Variants in TMTC2 observed in about 807,000 individuals in gnomAD.
TMTC2 encodes the protein transmembrane O-mannosyltransferase targeting cadherins 2, also known as protein O-mannosyl-transferase TMTC2.
TMTC2 carries 43 observed loss-of-function variants against 82.4 expected under a neutral mutation model. That is an observed-to-expected ratio of 0.52 (90% CI 0.41 to 0.67). The LOEUF (loss-of-function observed/expected upper bound fraction) is 0.67. TMTC2 is among the 30% of genes least tolerant of loss of function. The pLI, the probability that TMTC2 is intolerant of heterozygous loss-of-function variation, is 0.00. For synonymous variants in TMTC2, 408 were observed against 381.9 expected, an observed-to-expected ratio of 1.07 and a Z score of -0.80; for missense variants, 919 against 1,012.4, an observed-to-expected ratio of 0.91 and a Z score of 1.25.
chr12:82,700,807 C>G (rs1014550321), intron 1 of TMTC2, among the ~76,000 whole-genome samples: 2 of 152,092 alleles, frequency 1.3e-5, no homozygotes, highest in Non-Finnish European at 2.9e-5. Context: ...ACAGAAATAC[C>G]TGAAACTGAG....
rs558072048 is a variant in TMTC2, at chr12:83,095,152, C to G, written c.2331+33321C>G. Among the ~76,000 whole-genome samples the G allele has an allele frequency of 4.0e-5, 6 of 150,592 alleles. No homozygotes were observed. In the South Asian group the frequency reaches 1.3e-3, roughly 32 times the overall value. On this transcript the variant is annotated intron_variant, in intron 11 of 11. Coordinates refer to ENST00000321196, the MANE Select transcript of TMTC2 (RefSeq NM_152588.3). ...TGTGTCCATGTGTTTAAGCTGGAGT[C>G]TGCAGTATTGGGTGGCTTAAGTTTG...
At chr12:82,889,560 C>G (rs1796203) in intron 2 of TMTC2, among the ~76,000 whole-genome samples, 26,123 of 151,970 alleles carry the variant, frequency 0.17, 5,217 homozygotes, top group African/African-American at 0.49. Context: ...AATACTTCTA[C>G]ACTTAAATAA....
chr12:82,712,942 G>A (rs1457456144), intron 1 of TMTC2, among the ~76,000 whole-genome samples: 2 of 152,126 alleles, frequency 1.3e-5, no homozygotes, highest in Non-Finnish European at 2.9e-5. Context: ...AAAAGCTGAG[G>A]GAAGGAAGAG....
At chr12:82,763,271 AC>A (rs75561309) in intron 1 of TMTC2, among the ~76,000 whole-genome samples, 117,231 of 151,844 alleles carry the variant, frequency 0.77, 45,718 homozygotes, top group East Asian at 0.99. Context: ...ACAGAAAGTA[AC>A]ATGGTAGAAC....
intron 3 of TMTC2, among the ~76,000 whole-genome samples, chr12:82,906,537 C>T (rs901180181): frequency 1.3e-5 from 2 of 151,820 alleles, no homozygotes; most frequent in African/African-American, 2.4e-5. Flanking sequence ...TGGTGGCGGG[C>T]GCCTCAAACC....
chr12:82,877,249 A>G (rs1872627032), intron 2 of TMTC2, among the ~76,000 whole-genome samples: 1 of 152,210 alleles, frequency 6.6e-6, no homozygotes, highest in Non-Finnish European at 1.5e-5. Context: ...TAGATTAAAA[A>G]TAACTTTCTC....
chr12:83,017,317 C>A lies in TMTC2; in HGVS notation c.2071-13481C>A, dbSNP rs530484534. ...AATTAGGGTAACTGTAGACTTTTGT[C>A]CAAACCAGGAAGGGGGTGCTGTTAT... On this transcript the variant is annotated intron_variant, in intron 8 of 11. Coordinates refer to ENST00000321196, the MANE Select transcript of TMTC2 (RefSeq NM_152588.3). Among the ~76,000 whole-genome samples the A allele has an allele frequency of 3.3e-5, 5 of 152,148 alleles. No individual in the cohort carries two copies. The South Asian group carries it at 1.0e-3, about 32-fold the overall frequency.
chr12:83,095,232 T>G lies in TMTC2; in HGVS notation c.2331+33401T>G, dbSNP rs890384331. On this transcript the variant is annotated intron_variant, in intron 11 of 11. Transcript: ENST00000321196. The stretch of plus-strand genomic sequence containing the variant: ...AAAATTTCATGGTTTTTTTTTTTGT[T>G]TTTTTTTTTGTTTTTTTTGTTTTTT... 9.4e-3 allele frequency among the ~76,000 whole-genome samples: 1,120 copies of G among 119,430 alleles called. 12 individuals carry two copies. Among genetic ancestry groups the G allele is most frequent in the African/African-American group, 0.041 (1,045 of 25,544 alleles). 78.4% of individuals were successfully genotyped at this position (119,430 alleles called of 152,430 possible). A position where few individuals can be genotyped will look rare whatever the true frequency, so the allele number is the denominator to read the frequency against.
At chr12:82,876,435 T>A (rs571185975) in intron 2 of TMTC2, among the ~76,000 whole-genome samples, 2 of 152,218 alleles carry the variant, frequency 1.3e-5, no homozygotes, top group South Asian at 2.1e-4. Context: ...TCTCTTCATG[T>A]CTCTCTAAAA....
intron 11 of TMTC2, among the ~76,000 whole-genome samples, chr12:83,127,734 C>T (rs576198953): frequency 4.0e-4 from 61 of 152,158 alleles, no homozygotes; most frequent in African/African-American, 1.4e-3. Flanking sequence ...AGCTCAGCTG[C>T]ATTCCTTGAG....
intron 11 of TMTC2, among the ~76,000 whole-genome samples, chr12:83,081,414 G>A (rs924295277): frequency 1.3e-5 from 2 of 152,138 alleles, no homozygotes; most frequent in Non-Finnish European, 2.9e-5. Flanking sequence ...GTTGGCTTAC[G>A]ATTTGGAAGC....
chr12:83,117,600 AT>A (rs772063896), intron 11 of TMTC2, among the ~76,000 whole-genome samples: 20 of 152,012 alleles, frequency 1.3e-4, no homozygotes, highest in South Asian at 1.2e-3. Context: ...ATGCCTCCAG[AT>A]TTGTTCTTTT....
intron 4 of TMTC2, among the ~76,000 whole-genome samples, chr12:82,947,064 A>G (rs1277587680): frequency 2.6e-5 from 4 of 151,968 alleles, no homozygotes; most frequent in Non-Finnish European, 4.4e-5. Flanking sequence ...TTCTTTAACA[A>G]CAGAAATTTC....
chr12:83,117,538 C>G lies in TMTC2; in HGVS notation c.2332-14672C>G, dbSNP rs138198820. ...TGTGCCTATTTTTATACCAGTACCA[C>G]ACTATTTTGGTGACTATGGCCTTAT... On this transcript the variant is annotated intron_variant, in intron 11 of 11. Transcript: ENST00000321196. Among the ~76,000 whole-genome samples the G allele has an allele frequency of 7.6e-3, 1,156 of 152,252 alleles. 14 individuals are homozygous for G. The highest frequency in any genetic ancestry group is 0.027 in the African/African-American group (1,118 of 41,552).
chr12:82,925,120 A>G (rs971031467), intron 3 of TMTC2, among the ~76,000 whole-genome samples: 1 of 152,176 alleles, frequency 6.6e-6, no homozygotes, highest in East Asian at 1.9e-4. Flanking sequence ...GCTCGTAGAG[A>G]TCATACCTAT....
chr12:83,078,263 G>T (rs536675276), intron 11 of TMTC2, among the ~76,000 whole-genome samples: 1 of 152,112 alleles, frequency 6.6e-6, no homozygotes, highest in Non-Finnish European at 1.5e-5. Flanking sequence ...CTGTATAAAG[G>T]CTTAGAGGAG....
At chr12:82,736,669 G>A (rs1875141788) in intron 1 of TMTC2, among the ~76,000 whole-genome samples, 1 of 152,142 alleles carries the variant, frequency 6.6e-6, no homozygotes, top group African/African-American at 2.4e-5. Context: ...TTCCCATGAT[G>A]GATATTTAGT....
chr12:82,950,912 A>G (rs1481173612), intron 4 of TMTC2, among the ~76,000 whole-genome samples: 1 of 152,248 alleles, frequency 6.6e-6, no homozygotes, highest in Non-Finnish European at 1.5e-5. Flanking sequence ...TTGAATGCCT[A>G]CTGTTTCATA....
chr12:83,092,737 T>C (rs1239431445), intron 11 of TMTC2, among the ~76,000 whole-genome samples: 2 of 152,238 alleles, frequency 1.3e-5, no homozygotes, highest in Non-Finnish European at 2.9e-5. Context: ...GAATGTTTTA[T>C]CATTTGTCTC....
Sources: allele counts gnomAD v4.1 joint callset (sites outside exome capture counted in the v4.1 genomes callset), GRCh38; gene constraint gnomAD v4.1.1; transcripts MANE v1.5; gene names NCBI Gene and HGNC (gene_info 2026-07-23, HGNC 2026-07-21).